The following NBEA variants were observed in gnomAD, a reference collection of about 807,000 sequenced individuals.
NBEA encodes lysosomal-trafficking regulator 2.
NBEA carries 44 observed loss-of-function variants against 343.4 expected under a neutral mutation model. The ratio of observed to expected loss-of-function variants is 0.13; its 90% CI spans 0.10 to 0.16. NBEA has a LOEUF of 0.16. Ranked by LOEUF, NBEA falls within the 10% of genes least tolerant of loss-of-function variation. The probability of loss-of-function intolerance (pLI) is 1.00; values close to 1 mark genes in which losing one functional copy is unlikely to be tolerated. For missense variants in NBEA, 2,555 were observed against 3,631.3 expected (o/e 0.70, Z 7.62); for synonymous variants, 1,175 against 1,238.7 (o/e 0.95, Z 1.08).
intron 38 of NBEA, among the ~76,000 whole-genome samples, chr13:35,372,620 A>G (rs1423448578): frequency 2.0e-5 from 3 of 152,102 alleles, no homozygotes; most frequent in Admixed American, 6.5e-5. Context: ...GGTTGCTTTC[A>G]ATGTGCAGCA....
rs1163180312 is a variant in NBEA at position 35,432,359 on chromosome 13, T to C, written c.6270T>C (p.His2090=). Residue 2090 remains histidine (H), a synonymous_variant, in exon 39 of 59, where the codon CAT becomes CAC. Transcript: ENST00000379939. ...RFVRNAFGST[H]AEALLKAAIE... is the part of the protein sequence containing the mutation. ...TTCGCAATGCATTTGGCTCCACTCA[T>C]GCTGAAGCATTGCTGAAAGCTGCAA... 3 of 1,609,484 alleles carry C rather than the reference T, an allele frequency of 1.9e-6. No individual in the cohort carries two copies. Among genetic ancestry groups the C allele is most frequent in the Non-Finnish European group, 2.5e-6 (3 of 1,177,770 alleles).
In NBEA at chr13:35,182,513, T is replaced by C; in HGVS notation, c.4816T>C (p.Ser1606Pro). ...PGRNIRQEIN[S>P]PTSTVVVIPS... Reference sequence around the variant, plus strand: ...TAGAAACATCAGGCAAGAAATAAATTCACCAACAAGTACAGGTACTTAACA... The same window carrying C: ...TAGAAACATCAGGCAAGAAATAAATCCACCAACAAGTACAGGTACTTAACA... The change falls in exon 29 of 59, where the codon TCA (serine) becomes CCA (proline). Residue 1606 changes from serine (S) to proline (P), a missense_variant. Ser to Pro is a moderately conservative substitution (Grantham distance 74). Transcript: ENST00000379939. 1 of 1,609,566 alleles carries C rather than the reference T, an allele frequency of 6.2e-7. No homozygotes were observed. The highest frequency in any genetic ancestry group is 8.5e-7 in the Non-Finnish European group (1 of 1,177,044).
At chr13:34,987,928 A>C (rs1057365208) in intron 1 of NBEA, among the ~76,000 whole-genome samples, 2 of 150,470 alleles carry the variant, frequency 1.3e-5, no homozygotes, top group Non-Finnish European at 3.0e-5. Context: ...CTTCCTTGCA[A>C]TGGGTTTGAA....
chr13:35,285,906 A>G (rs910040514), intron 34 of NBEA, among the ~76,000 whole-genome samples: 1 of 152,130 alleles, frequency 6.6e-6, no homozygotes, highest in African/African-American at 2.4e-5. Context: ...ACAGCCTACG[A>G]CATAACATTC....
intron 6 of NBEA, among the ~76,000 whole-genome samples, chr13:35,051,347 A>AGG (rs1482722771): frequency 1.3e-5 from 2 of 151,826 alleles, no homozygotes; most frequent in African/African-American, 4.8e-5. Flanking sequence ...AAATGTGGTG[A>AGG]GGGGGAGATC....
In NBEA at chr13:35,252,155, C is replaced by T. The variant is rs184378861; in HGVS notation, c.5776+19536C>T. Among the ~76,000 whole-genome samples, 11 of 152,122 alleles carry T rather than the reference C, an allele frequency of 7.2e-5. 1 individual carries two copies. The South Asian group carries it at 1.9e-3, about 26-fold the overall frequency. ...TCACAGTTCCAAATGGCTGGGGAGG[C>T]CTCAGGAAACTTAACAATCATGGTG... On this transcript the variant is annotated intron_variant, in intron 34 of 58. Transcript: ENST00000379939.
intron 35 of NBEA, among the ~76,000 whole-genome samples, chr13:35,293,152 T>C (rs1417876603): frequency 6.6e-6 from 1 of 151,970 alleles, no homozygotes; most frequent in African/African-American, 2.4e-5. Context: ...TTACGTGAGA[T>C]CATATTACAA....
chr13:35,047,273 G>A (rs1432429938), intron 4 of NBEA, among the ~76,000 whole-genome samples: 1 of 151,126 alleles, frequency 6.6e-6, no homozygotes, highest in African/African-American at 2.4e-5. Context: ...ACTACTTTGA[G>A]ATTATTTATT....
intron 47 of NBEA, among the ~76,000 whole-genome samples, chr13:35,603,879 C>T (rs961498532): frequency 6.6e-6 from 1 of 152,214 alleles, no homozygotes; most frequent in Non-Finnish European, 1.5e-5. Context: ...TAGCAATAGT[C>T]TTTGCCTTCT....
intron 1 of NBEA, among the ~76,000 whole-genome samples, chr13:35,033,216 T>C (rs1296218585): frequency 6.6e-6 from 1 of 151,980 alleles, no homozygotes; most frequent in Non-Finnish European, 1.5e-5. Flanking sequence ...TTCATTCTTC[T>C]GCATACAGAT....
At chr13:35,416,351 G>A (rs1300100390) in intron 38 of NBEA, among the ~76,000 whole-genome samples, 1 of 152,112 alleles carries the variant, frequency 6.6e-6, no homozygotes, top group Admixed American at 6.6e-5. Context: ...TGCCCATTCA[G>A]TATGATAGTG....
chr13:35,371,081 G>A (rs555005108), intron 38 of NBEA, among the ~76,000 whole-genome samples: 1 of 152,110 alleles, frequency 6.6e-6, no homozygotes, highest in South Asian at 2.1e-4. Context: ...GGACTTTAAT[G>A]TGCCTTGGAG....
At chr13:35,074,438 G>A (rs2064021660) in intron 10 of NBEA, among the ~76,000 whole-genome samples, 1 of 152,048 alleles carries the variant, frequency 6.6e-6, no homozygotes, top group Admixed American at 6.6e-5. Flanking sequence ...AAAAAATTAT[G>A]TTTTCTGGAA....
In NBEA at chr13:35,665,135, G is replaced by A; in HGVS notation, c.8413G>A (p.Val2805Ile). The change falls in exon 56 of 59, where the codon GTC (valine) becomes ATC (isoleucine). Residue 2805 changes from valine (V) to isoleucine (I), a missense_variant. Physicochemically the swap from Val to Ile is conservative, Grantham distance 29. This residue lies in a region of NBEA where 186 missense variants were observed against 328.9 expected (regional missense o/e 0.57). Coordinates refer to ENST00000379939, the MANE Select transcript of NBEA (RefSeq NM_001385012.1). Reference protein sequence around the residue: ...AVLTGHDHEVVCVSVCAELGL... With the variant: ...AVLTGHDHEVICVSVCAELGL... Reference sequence around the variant, plus strand: ...CCTCACAGGCCATGACCATGAAGTTGTCTGTGTTTCTGTCTGTGCAGAACT... The same window carrying A: ...CCTCACAGGCCATGACCATGAAGTTATCTGTGTTTCTGTCTGTGCAGAACT... The A allele has an allele frequency of 1.3e-6, 2 of 1,590,756 alleles. No individual in the cohort carries two copies. Among genetic ancestry groups the A allele is most frequent in the Non-Finnish European group, 1.7e-6 (2 of 1,166,642 alleles).
intron 1 of NBEA, among the ~76,000 whole-genome samples, chr13:34,973,626 A>G (rs1217938749): frequency 6.6e-6 from 1 of 152,154 alleles, no homozygotes; most frequent in Admixed American, 6.5e-5. Flanking sequence ...TGGACTCTCC[A>G]GGGCCTGCAG....
At chr13:35,468,106 A>ACTC (rs1555272893) in intron 40 of NBEA, among the ~76,000 whole-genome samples, 1 of 107,002 alleles carries the variant, frequency 9.3e-6, no homozygotes, top group Non-Finnish European at 1.9e-5. Flanking sequence ...AAAATGATTT[A>ACTC]CACCCCCCCC....
intron 1 of NBEA, among the ~76,000 whole-genome samples, chr13:34,944,029 C>T (rs1214992442): frequency 1.3e-5 from 2 of 152,268 alleles, no homozygotes; most frequent in African/African-American, 4.8e-5. Flanking sequence ...GGATAATTAA[C>T]AGTAGTTCAT....
chr13:35,621,092 A>G (rs1008399055), intron 48 of NBEA, among the ~76,000 whole-genome samples: 5 of 152,196 alleles, frequency 3.3e-5, no homozygotes, highest in Non-Finnish European at 7.3e-5. Context: ...TTTTCAGGAC[A>G]TCGAATGCTT....
intron 41 of NBEA, among the ~76,000 whole-genome samples, chr13:35,519,454 T>C (rs372657211): frequency 6.6e-6 from 1 of 152,300 alleles, no homozygotes; most frequent in African/African-American, 2.4e-5. Context: ...CATACCCAAA[T>C]GTTCATATAC....
Sources: allele counts gnomAD v4.1 joint callset (sites outside exome capture counted in the v4.1 genomes callset), GRCh38; gene constraint gnomAD v4.1.1; regional missense constraint gnomAD v4.1.1; transcripts MANE v1.5; gene names NCBI Gene and HGNC (gene_info 2026-07-23, HGNC 2026-07-21).